HTR2C: variants seen among roughly 807,000 people sequenced by gnomAD.
The protein encoded by HTR2C is 5-hydroxytryptamine receptor 2C, also known as 5-hydroxytryptamine (serotonin) receptor 2C, G protein-coupled.
In HTR2C, 5 loss-of-function variants were observed where a neutral mutation model predicts 21.0. The ratio of observed to expected loss-of-function variants is 0.24; its 90% CI spans 0.12 to 0.50. The LOEUF is 0.50. Among genes scored for constraint, HTR2C ranks in the 20% least tolerant of loss-of-function variants. The probability of loss-of-function intolerance (pLI) is 0.98; values close to 1 mark genes in which losing one functional copy is unlikely to be tolerated. For synonymous variants in HTR2C, 150 were observed against 145.3 expected, an observed-to-expected ratio of 1.03 and a Z score of -0.23; for missense variants, 271 against 371.2, an observed-to-expected ratio of 0.73 and a Z score of 2.22.
At chrX:114,718,424 G>A (rs1257607242) in intron 2 of HTR2C, among the ~76,000 whole-genome samples, 3 of 111,788 alleles carry the variant, frequency 2.7e-5, no homozygotes, top group Non-Finnish European at 5.6e-5. Context: ...TATGCTGTAT[G>A]ACACATGGCA....
chrX:114,659,130 A>G (rs1488533518), intron 2 of HTR2C, among the ~76,000 whole-genome samples: 1 of 110,999 alleles, frequency 9.0e-6, no homozygotes, highest in African/African-American at 3.3e-5. Flanking sequence ...CCCCTTAAAA[A>G]ACTATCAGAT....
chrX:114,669,808 T>C (rs782513486), intron 2 of HTR2C, among the ~76,000 whole-genome samples: 1 of 112,908 alleles, frequency 8.9e-6, no homozygotes, highest in South Asian at 3.6e-4. Flanking sequence ...AGCATTATTC[T>C]AAGAGTATTG....
intron 4 of HTR2C, among the ~76,000 whole-genome samples, chrX:114,735,504 A>G (rs2069581831): frequency 9.0e-6 from 1 of 111,174 alleles, no homozygotes. Context: ...ATACCATGTC[A>G]TATAATATAT....
chrX:114,697,256 C>T (rs1932307477), intron 2 of HTR2C, among the ~76,000 whole-genome samples: 1 of 112,343 alleles, frequency 8.9e-6, no homozygotes, highest in African/African-American at 3.2e-5. Flanking sequence ...GTATATTATG[C>T]AAGCAGAGCT....
intron 4 of HTR2C, among the ~76,000 whole-genome samples, chrX:114,790,933 G>C (rs2070225069): frequency 1.8e-5 from 2 of 111,459 alleles, no homozygotes; most frequent in African/African-American, 6.5e-5. Flanking sequence ...GCAAATGAGA[G>C]GTTGCAATGA....
At chrX:114,840,464 C>A (rs2070824093) in intron 4 of HTR2C, among the ~76,000 whole-genome samples, 1 of 110,480 alleles carries the variant, frequency 9.1e-6, no homozygotes, top group Non-Finnish European at 1.9e-5. Flanking sequence ...CTATAGAAAT[C>A]GTCCGAAATT....
At position 114,767,065 on chromosome X, in the gene HTR2C, T is replaced by A. The variant is rs59484408; in HGVS notation, c.349+35458T>A. On this transcript the variant is annotated intron_variant, in intron 4 of 5. Coordinates refer to ENST00000276198, the MANE Select transcript of HTR2C (RefSeq NM_000868.4). ...ATTGGAGACAGAATTTTTATTTTCA[T>A]CCTGTTTATTTCTGTTTTTATTCTG... Among the ~76,000 whole-genome samples, 813 of 111,629 alleles carry A rather than the reference T, an allele frequency of 7.3e-3. 11 individuals carry two copies. Among genetic ancestry groups the A allele is most frequent in the African/African-American group, 0.025 (758 of 30,869 alleles).
At position 114,770,803 on chromosome X, in the gene HTR2C, C is replaced by CTTTTT. The variant is rs377420309; in HGVS notation, c.349+39208_349+39212dup. Among the ~76,000 whole-genome samples, 793 of 80,675 alleles carry CTTTTT rather than the reference C, an allele frequency of 9.8e-3. 31 individuals carry two copies. Among genetic ancestry groups the CTTTTT allele is most frequent in the African/African-American group, 0.036 (747 of 20,898 alleles). The allele number at this position is 80,675 out of a possible 115,157, so 70.1% of individuals were successfully genotyped here. ...TCTTTTCTCTTTTCTTTCTTTCTTC[C>CTTTTT]TTTTTTTTTTTTTTTTGAGGTAGGG... is the stretch of plus-strand genomic sequence containing the variant. On this transcript the variant is annotated intron_variant, in intron 4 of 5. Transcript: ENST00000276198.
intron 2 of HTR2C, among the ~76,000 whole-genome samples, chrX:114,681,402 C>G (rs1422395426): frequency 5.4e-5 from 6 of 110,526 alleles, no homozygotes; most frequent in African/African-American, 2.0e-4. Flanking sequence ...TTATATGTTT[C>G]CCACAACTCT....
At chrX:114,861,048 A>G (rs2071002694) in intron 5 of HTR2C, among the ~76,000 whole-genome samples, 1 of 111,386 alleles carries the variant, frequency 9.0e-6, no homozygotes, top group Non-Finnish European at 1.9e-5. Context: ...GTGTATGGCA[A>G]GAACAGCTAC....
At chrX:114,770,060 C>T (rs1320802667) in intron 4 of HTR2C, among the ~76,000 whole-genome samples, 1 of 111,769 alleles carries the variant, frequency 8.9e-6, no homozygotes, top group Admixed American at 9.5e-5. Context: ...GCTCTCACAG[C>T]TTCTGATGAA....
intron 2 of HTR2C, among the ~76,000 whole-genome samples, chrX:114,618,245 G>C (rs1179773568): frequency 8.9e-6 from 1 of 111,955 alleles, no homozygotes; most frequent in Non-Finnish European, 1.9e-5. Flanking sequence ...AGTTTAGCAT[G>C]CATCCTTTCT....
At chrX:114,680,201 T>A (rs1429734179) in intron 2 of HTR2C, among the ~76,000 whole-genome samples, 5 of 112,135 alleles carry the variant, frequency 4.5e-5, no homozygotes, top group Non-Finnish European at 9.4e-5. Context: ...GAATGAAAAA[T>A]AAATGAAATT....
chrX:114,869,305 T>C (rs1405856792), intron 5 of HTR2C, among the ~76,000 whole-genome samples: 1 of 112,007 alleles, frequency 8.9e-6, no homozygotes, highest in Non-Finnish European at 1.9e-5. Context: ...TAAACATATG[T>C]GTGCATGTGT....
At chrX:114,720,073 T>A (rs1419038683) in intron 2 of HTR2C, among the ~76,000 whole-genome samples, 3 of 111,891 alleles carry the variant, frequency 2.7e-5, no homozygotes, top group African/African-American at 9.7e-5. Flanking sequence ...ACCTTTTGGT[T>A]TCCCTTACCA....
Position 114,737,075 on chromosome X carries a change from A to G in HTR2C, c.349+5468A>G, listed in dbSNP as rs1338362738. ...AATTTCCATTAAATAATCTTGAAAAAGGACCAAAAAAGAGAACAAAAGAAA... is the reference window on the plus strand; with the variant it reads ...AATTTCCATTAAATAATCTTGAAAAGGGACCAAAAAAGAGAACAAAAGAAA... On this transcript the variant is annotated intron_variant, in intron 4 of 5. Transcript: ENST00000276198. 3.6e-5 allele frequency among the ~76,000 whole-genome samples: 4 copies of G among 110,392 alleles called. No homozygotes were observed. The Admixed American group carries it at 3.9e-4, about 11-fold the overall frequency.
At chrX:114,722,437 A>G (rs1250455038) in intron 2 of HTR2C, among the ~76,000 whole-genome samples, 1 of 111,097 alleles carries the variant, frequency 9.0e-6, no homozygotes, top group African/African-American at 3.3e-5. Context: ...GGTTTTCTAA[A>G]TATACAATCA....
intron 2 of HTR2C, among the ~76,000 whole-genome samples, chrX:114,644,160 T>C (rs1930243528): frequency 9.4e-6 from 1 of 105,957 alleles, no homozygotes; most frequent in Non-Finnish European, 1.9e-5. Context: ...CTGGCCAACA[T>C]GGTGAAACCC....
At chrX:114,858,757 T>G (rs2147499409) in intron 5 of HTR2C, among the ~76,000 whole-genome samples, 1 of 111,303 alleles carries the variant, frequency 9.0e-6, no homozygotes, top group South Asian at 3.8e-4. Flanking sequence ...AGACATCTTT[T>G]TTTTTTAGTG....
Sources: allele counts gnomAD v4.1 joint callset (sites outside exome capture counted in the v4.1 genomes callset), GRCh38; gene constraint gnomAD v4.1.1; transcripts MANE v1.5; gene names NCBI Gene and HGNC (gene_info 2026-07-23, HGNC 2026-07-21).